TMEM39B: variants seen among roughly 807,000 people sequenced by gnomAD.
The protein encoded by TMEM39B is transmembrane protein 39B.
A neutral mutation model predicts 52.2 loss-of-function variants in TMEM39B; 23 were observed. The ratio of observed to expected loss-of-function variants is 0.44; its 90% CI spans 0.32 to 0.62. The LOEUF (loss-of-function observed/expected upper bound fraction) is 0.62, where lower values mean the gene tolerates loss of function less well. TMEM39B is among the 20% of genes least tolerant of loss of function. TMEM39B has a pLI of 0.06. For synonymous variants in TMEM39B, 285 were observed against 264.0 expected (o/e 1.08, Z -0.77); for missense variants, 547 against 642.0 (o/e 0.85, Z 1.60).
At chr1:32,093,062 C>G (rs1640668805) in intron 6 of TMEM39B, among the ~76,000 whole-genome samples, 2 of 152,182 alleles carry the variant, frequency 1.3e-5, no homozygotes, top group Admixed American at 1.3e-4. Flanking sequence ...TGGGAAGGTA[C>G]CTCCTCAGCT....
At chr1:32,096,873 C>T (rs1445644684) in intron 7 of TMEM39B, among the ~76,000 whole-genome samples, 1 of 151,094 alleles carries the variant, frequency 6.6e-6, no homozygotes, top group Non-Finnish European at 1.5e-5. Context: ...GGTGCAATCA[C>T]AGCTCATTAC....
intron 1 of TMEM39B, chr1:32,073,480 T>C (rs1385181557): frequency 1.0e-6 from 1 of 953,510 alleles, no homozygotes; most frequent in East Asian, 8.6e-5. Flanking sequence ...GGAGTGGGGC[T>C]TCTGGGCTGA....
chr1:32,076,971 G>T, intron 4 of TMEM39B, 125 bp downstream of exon 4: 1 of 1,314,792 alleles, frequency 7.6e-7, no homozygotes, highest in Non-Finnish European at 1.1e-6. Flanking sequence ...GGACTTGGTT[G>T]AAGAACATTA....
chr1:32,094,209 C>T (rs911614642), intron 6 of TMEM39B, among the ~76,000 whole-genome samples: 4 of 141,654 alleles, frequency 2.8e-5, no homozygotes, highest in Non-Finnish European at 6.0e-5. Context: ...TCACTGCAAC[C>T]TCTGCCTCCC....
chr1:32,102,450 T>C lies in TMEM39B; in HGVS notation c.1256T>C (p.Leu419Pro). Reference sequence around the variant, plus strand: ...GGGCAGTTCTTTTTCAGCAAACCCCTGCGGATCCTCAACATCCTCCTGCTG... The same window carrying C: ...GGGCAGTTCTTTTTCAGCAAACCCCCGCGGATCCTCAACATCCTCCTGCTG... The part of the protein sequence containing the change: ...FRFHFFFSKP[L>P]RILNILLLLE... Residue 419 changes from leucine to proline, a missense_variant, in exon 9 of 9, where the codon CTG becomes CCG. Physicochemically the swap from Leu to Pro is moderately conservative, Grantham distance 98. Coordinates refer to ENST00000336294, the MANE Select transcript of TMEM39B (RefSeq NM_018056.4). 1 of 1,613,968 alleles carries C rather than the reference T, an allele frequency of 6.2e-7. No homozygotes were observed. The highest frequency in any genetic ancestry group is 8.5e-7 in the Non-Finnish European group (1 of 1,179,916).
At chr1:32,090,158 A>G (rs1370065102) in intron 5 of TMEM39B, among the ~76,000 whole-genome samples, 1 of 152,058 alleles carries the variant, frequency 6.6e-6, no homozygotes, top group Non-Finnish European at 1.5e-5. Context: ...AAAAGGGAAT[A>G]TTTATAAAAG....
Position 32,094,944 on chromosome 1 carries a change from C to T in TMEM39B, c.1088C>T (p.Ala363Val), listed in dbSNP as rs769428963. The change falls in exon 7 of 9, where the codon GCG becomes GTG. Residue 363 changes from alanine to valine, a missense_variant. Physicochemically the swap from Ala to Val is moderately conservative, Grantham distance 64 (BLOSUM62 0). Transcript: ENST00000336294. ...HLGCWQKVDP[A>V]LCSNVLQHPW... ...GGCTGTTGGCAGAAGGTGGACCCAG[C>T]GCTGTGCTCCAACGTGCTGCAGCAC... The T allele has an allele frequency of 1.4e-5, 23 of 1,613,414 alleles. 1 individual carries two copies. Among genetic ancestry groups the T allele is most frequent in the Middle Eastern group, 3.3e-4 (2 of 6,080 alleles).
intron 7 of TMEM39B, among the ~76,000 whole-genome samples, chr1:32,097,921 C>T (rs949131604): frequency 6.6e-6 from 1 of 151,542 alleles, no homozygotes; most frequent in African/African-American, 2.4e-5. Flanking sequence ...CGTGAGCCAC[C>T]GTGCCCGGCC....
At chr1:32,077,818 A>G (rs531597336) in intron 5 of TMEM39B, among the ~76,000 whole-genome samples, 24 of 152,216 alleles carry the variant, frequency 1.6e-4, no homozygotes, top group African/African-American at 5.3e-4. Context: ...GTGCCTGCAT[A>G]TGCATGTGTG....
chr1:32,087,319 C>CAAAA lies in TMEM39B; in HGVS notation c.591-4337_591-4334dup, dbSNP rs1207083221. On this transcript the variant is annotated intron_variant, in intron 5 of 8. Transcript: ENST00000336294. Reference sequence around the variant, plus strand: ...GGGCACAGAGTGAGACTCCGTCTCACAAAAAAAAAAAAAAAAAAAAAAGGC... The same window carrying CAAAA: ...GGGCACAGAGTGAGACTCCGTCTCACAAAAAAAAAAAAAAAAAAAAAAAAAAGGC... Among the ~76,000 whole-genome samples the CAAAA allele has an allele frequency of 4.0e-3, 116 of 28,866 alleles. 2 individuals carry two copies. Among genetic ancestry groups the CAAAA allele is most frequent in the African/African-American group, 8.8e-3 (68 of 7,692 alleles). 18.9% of individuals were successfully genotyped at this position (28,866 alleles called of 152,430 possible). A position where few individuals can be genotyped will look rare whatever the true frequency, so the allele number is the denominator to read the frequency against.
chr1:32,099,710 T>C lies in TMEM39B; in HGVS notation c.1116-732T>C, dbSNP rs146816086. On this transcript the variant is annotated intron_variant, in intron 7 of 8. Transcript: ENST00000336294. Reference sequence around the variant, plus strand: ...ACAAGACCTCAGAGGCCATGTCAAATCCTTGGGGCCTTGACCCCAAGGGCA... The same window carrying C: ...ACAAGACCTCAGAGGCCATGTCAAACCCTTGGGGCCTTGACCCCAAGGGCA... Among the ~76,000 whole-genome samples the C allele has an allele frequency of 5.4e-3, 829 of 152,160 alleles. 11 individuals carry two copies. Among genetic ancestry groups the C allele is most frequent in the African/African-American group, 0.019 (801 of 41,522 alleles).
chr1:32,102,732 G>A lies in TMEM39B; in HGVS notation c.*59G>A, dbSNP rs1641066926. The A allele has an allele frequency of 8.4e-6, 12 of 1,420,258 alleles. No individual in the cohort carries two copies. The South Asian group carries it at 1.9e-4, about 23-fold the overall frequency. The allele number at this position is 1,420,258 out of a possible 1,614,324, so 88.0% of individuals were successfully genotyped here. On this transcript the variant is annotated 3_prime_UTR_variant, in exon 9 of 9. Transcript: ENST00000336294. The stretch of plus-strand genomic sequence containing the variant: ...TTCAGCCAAGGGCTCCCTGGCAAGG[G>A]GCTGTTGGGTAGAAGTGGTGGTGGG...
At chr1:32,081,872 A>G (rs1248657698) in intron 5 of TMEM39B, among the ~76,000 whole-genome samples, 1 of 152,154 alleles carries the variant, frequency 6.6e-6, no homozygotes, top group African/African-American at 2.4e-5. Flanking sequence ...CCAGCCACCC[A>G]GTTTCCTTTC....
chr1:32,072,912 G>A (rs1010300530), upstream of TMEM39B: 38 of 1,222,606 alleles, frequency 3.1e-5, no homozygotes, highest in Middle Eastern at 2.3e-4. Context: ...GTATGCAAAT[G>A]TAGCGGCGCG....
At chr1:32,101,596 G>A (rs945978963) in intron 8 of TMEM39B, among the ~76,000 whole-genome samples, 5 of 152,134 alleles carry the variant, frequency 3.3e-5, no homozygotes, top group Non-Finnish European at 7.4e-5. Flanking sequence ...CACAGCATGA[G>A]AAATCACTGA....
Position 32,072,987 on chromosome 1 carries a change from G to A in TMEM39B, c.-61G>A. The A allele has an allele frequency of 6.5e-7, 1 of 1,530,288 alleles. No homozygotes were observed. The highest frequency in any genetic ancestry group is 8.8e-7 in the Non-Finnish European group (1 of 1,137,338). The allele number at this position is 1,530,288 out of a possible 1,614,324, so 94.8% of individuals were successfully genotyped here. The stretch of plus-strand genomic sequence containing the variant: ...GGTTAGTCCTCTCCCGGCCGCCGTC[G>A]CCTCCGACATATTGCCCGCAGGAGC... On this transcript the variant is annotated 5_prime_UTR_variant, in exon 1 of 9. Coordinates refer to ENST00000336294, the MANE Select transcript of TMEM39B (RefSeq NM_018056.4).
intron 5 of TMEM39B, among the ~76,000 whole-genome samples, chr1:32,085,610 G>T (rs892141815): frequency 2.6e-5 from 4 of 152,056 alleles, no homozygotes; most frequent in Non-Finnish European, 4.4e-5. Flanking sequence ...AATTAGCTGG[G>T]TGTGGTGGTG....
intron 5 of TMEM39B, among the ~76,000 whole-genome samples, chr1:32,087,319 C>CAAAAAAAA (rs1207083221): frequency 3.4e-5 from 1 of 29,014 alleles, no homozygotes; most frequent in African/African-American, 1.3e-4. Flanking sequence ...CTCCGTCTCA[C>CAAAAAAAA]AAAAAAAAAA....
At chr1:32,094,325 C>T (rs538129837) in intron 6 of TMEM39B, among the ~76,000 whole-genome samples, 3 of 151,490 alleles carry the variant, frequency 2.0e-5, no homozygotes, top group African/African-American at 7.3e-5. Flanking sequence ...CAGGGTTTCA[C>T]TATATTGGCC....
Sources: allele counts gnomAD v4.1 joint callset (sites outside exome capture counted in the v4.1 genomes callset), GRCh38; gene constraint gnomAD v4.1.1; transcripts MANE v1.5; gene names NCBI Gene and HGNC (gene_info 2026-07-23, HGNC 2026-07-21).